The following TLN2 variants were observed in gnomAD, a reference collection of about 807,000 sequenced individuals.
TLN2 encodes talin 2.
TLN2 carries 118 observed loss-of-function variants against 294.7 expected under a neutral mutation model. That is an observed-to-expected ratio of 0.40 (90% CI 0.34 to 0.47). The LOEUF is 0.47. Among genes scored for constraint, TLN2 ranks in the 20% least tolerant of loss-of-function variants. The pLI, the probability that TLN2 is intolerant of heterozygous loss-of-function variation, is 0.84. For synonymous variants in TLN2, 1,431 were observed against 1,304.5 expected (o/e 1.10, Z -2.09); for missense variants, 3,083 against 3,282.2 (o/e 0.94, Z 1.48).
chr15:62,538,639 C>T (rs2041498217), intron 1 of TLN2, among the ~76,000 whole-genome samples: 1 of 152,164 alleles, frequency 6.6e-6, no homozygotes, highest in Non-Finnish European at 1.5e-5. Context: ...ATTTCTGAAT[C>T]TACAGGATTT....
chr15:62,525,242 C>G (rs565427741), intron 1 of TLN2, among the ~76,000 whole-genome samples: 9 of 152,192 alleles, frequency 5.9e-5, no homozygotes, highest in Non-Finnish European at 8.8e-5. Flanking sequence ...CTAAGGCCAT[C>G]CACGTGTCCT....
At chr15:62,574,190 T>G (rs2044180748) in intron 1 of TLN2, among the ~76,000 whole-genome samples, 1 of 152,000 alleles carries the variant, frequency 6.6e-6, no homozygotes, top group African/African-American at 2.4e-5. Flanking sequence ...TTTTTGTCTC[T>G]TAGGATGCTT....
chr15:62,573,402 T>G (rs1342597671), intron 1 of TLN2, among the ~76,000 whole-genome samples: 1 of 152,138 alleles, frequency 6.6e-6, no homozygotes, highest in Non-Finnish European at 1.5e-5. Context: ...CCAGCTCACA[T>G]GAGGACCCAC....
intron 1 of TLN2, among the ~76,000 whole-genome samples, chr15:62,444,534 T>C (rs2035718093): frequency 6.6e-6 from 1 of 152,238 alleles, no homozygotes; most frequent in African/African-American, 2.4e-5. Context: ...GAACCCTCAT[T>C]TCTTAGTCCT....
intron 1 of TLN2, among the ~76,000 whole-genome samples, chr15:62,527,785 C>T (rs1219739760): frequency 1.3e-5 from 2 of 152,104 alleles, no homozygotes; most frequent in Non-Finnish European, 2.9e-5. Context: ...GGGAAAAATG[C>T]TTTTGTGATG....
At chr15:62,831,853 G>GTA (rs2068877223) in intron 54 of TLN2, 1 of 152,244 alleles carries the variant, frequency 6.6e-6, no homozygotes, top group Non-Finnish European at 1.5e-5. Context: ...GAGAAGACTT[G>GTA]TATCCCTCCT....
intron 1 of TLN2, among the ~76,000 whole-genome samples, chr15:62,447,153 ATATTTATTTATTTATTTGTT>A (rs2035862800): frequency 2.4e-5 from 2 of 82,466 alleles, no homozygotes; most frequent in Non-Finnish European, 5.5e-5. Flanking sequence ...CAAGAAGCCT[ATATTTATTTATTTATTTGTT>A]TATTTATTTA....
intron 1 of TLN2, among the ~76,000 whole-genome samples, chr15:62,489,907 A>G (rs577718216): frequency 6.6e-6 from 1 of 152,322 alleles, no homozygotes; most frequent in South Asian, 2.1e-4. Context: ...AGCCCTGGCA[A>G]ACCTTCAGAT....
At chr15:62,799,137 T>A (rs982166747) in intron 48 of TLN2, among the ~76,000 whole-genome samples, 3 of 152,194 alleles carry the variant, frequency 2.0e-5, no homozygotes, top group Non-Finnish European at 4.4e-5. Flanking sequence ...CACACAGGCA[T>A]GGCGCAGTGT....
At position 62,797,367 on chromosome 15, in the gene TLN2, G is replaced by A; in HGVS notation, c.6199G>A (p.Ala2067Thr). ...TQLAEVVKLG[A>T]ASLGSDDPET... The stretch of plus-strand genomic sequence containing the variant: ...GCTCGCAGAAGTGGTCAAGCTGGGG[G>A]CAGCCAGCCTGGGCTCCGACGACCC... Residue 2067 changes from alanine (A) to threonine (T), a missense_variant, in exon 48 of 59, where the codon GCA (alanine) becomes ACA (threonine). Ala to Thr is a moderately conservative substitution (Grantham distance 58, BLOSUM62 0). Transcript: ENST00000636159. 1.2e-6 allele frequency: 2 copies of A among 1,612,218 alleles called. No individual in the cohort carries two copies. Among genetic ancestry groups the A allele is most frequent in the South Asian group, 1.1e-5 (1 of 90,986 alleles).
At chr15:62,815,177 T>TCA (rs3055852) in intron 52 of TLN2, among the ~76,000 whole-genome samples, 2,495 of 140,478 alleles carry the variant, frequency 0.018, 47 homozygotes, top group Admixed American at 0.039. Flanking sequence ...ATTCTGTCTG[T>TCA]CACACACACA....
At chr15:62,449,804 G>A (rs2036000357) in intron 1 of TLN2, among the ~76,000 whole-genome samples, 2 of 152,062 alleles carry the variant, frequency 1.3e-5, no homozygotes, top group African/African-American at 4.8e-5. Flanking sequence ...CTTGGCCAAA[G>A]CTATGCAGAG....
At chr15:62,570,526 CTCTT>C (rs967970858) in intron 1 of TLN2, among the ~76,000 whole-genome samples, 2 of 152,162 alleles carry the variant, frequency 1.3e-5, no homozygotes, top group African/African-American at 2.4e-5. Context: ...GTCCGTCTTT[CTCTT>C]TCTTTCTTTG....
At chr15:62,835,256 T>C (rs1397855128) in intron 55 of TLN2, 1 of 174,728 alleles carries the variant, frequency 5.7e-6, no homozygotes, top group Non-Finnish European at 1.2e-5. Context: ...CTGCACTCAA[T>C]TGTACCAGAG....
chr15:62,541,249 A>G (rs185611922), intron 1 of TLN2, among the ~76,000 whole-genome samples: 2 of 152,306 alleles, frequency 1.3e-5, no homozygotes, highest in Non-Finnish European at 2.9e-5. Flanking sequence ...AGGAAGAATA[A>G]TAGCGTCATG....
intron 1 of TLN2, 38 bp from the exon 2 acceptor site, chr15:62,589,649 A>C (rs1229542646): frequency 6.6e-6 from 1 of 152,160 alleles, no homozygotes; most frequent in African/African-American, 2.4e-5. Context: ...TTTTTCAAAA[A>C]CATTACTTGA....
intron 53 of TLN2, 24 bp downstream of exon 53, chr15:62,819,645 G>A: frequency 6.3e-7 from 1 of 1,597,790 alleles, no homozygotes; most frequent in Non-Finnish European, 8.5e-7. Context: ...TCACGTCTTG[G>A]TGGAGGGCAA....
At chr15:62,607,163 C>T (rs1481950800) in intron 2 of TLN2, among the ~76,000 whole-genome samples, 6 of 152,190 alleles carry the variant, frequency 3.9e-5, no homozygotes, top group Non-Finnish European at 5.9e-5. Context: ...TCCTGCCCTT[C>T]AAGCACCCTT....
At chr15:62,665,526 T>A (rs939421556) in intron 9 of TLN2, among the ~76,000 whole-genome samples, 1 of 152,194 alleles carries the variant, frequency 6.6e-6, no homozygotes, top group Non-Finnish European at 1.5e-5. Context: ...GTCCAAGGGC[T>A]GAGTGTGGGC....
Sources: gnomAD v4.1 joint callset for allele counts (sites outside exome capture counted in the v4.1 genomes callset) on GRCh38, gnomAD v4.1.1 for gene constraint, MANE v1.5 for transcripts, NCBI Gene and HGNC (gene_info 2026-07-23, HGNC 2026-07-21) for gene names.